Variants in RAB3GAP2 observed in about 807,000 individuals in gnomAD.
RAB3GAP2 encodes rab3 GTPase-activating protein non-catalytic subunit.
RAB3GAP2 carries 87 observed loss-of-function variants against 185.3 expected under a neutral mutation model. That is an observed-to-expected ratio of 0.47 (90% CI 0.39 to 0.56). The LOEUF (loss-of-function observed/expected upper bound fraction) is 0.56, where lower values mean the gene tolerates loss of function less well. Ranked by LOEUF, RAB3GAP2 falls within the 20% of genes least tolerant of loss-of-function variation. RAB3GAP2 has a pLI of 0.00. For missense variants in RAB3GAP2, 1,492 were observed against 1,638.2 expected (o/e 0.91, Z 1.54); for synonymous variants, 554 against 576.1 (o/e 0.96, Z 0.55).
At chr1:220,267,043 GTGCCACAGA>G in intron 1 of RAB3GAP2, 1 of 1,611,286 alleles carries the variant, frequency 6.2e-7, no homozygotes, top group South Asian at 1.1e-5. Context: ...GTAGTCCAGG[GTGCCACAGA>G]GAGTGGTCCT....
chr1:220,267,201 T>A (rs879268224), intron 1 of RAB3GAP2: 17 of 943,372 alleles, frequency 1.8e-5, no homozygotes, highest in Non-Finnish European at 3.0e-5. Flanking sequence ...CACTTGCCAA[T>A]TCTGTGATAT....
intron 1 of RAB3GAP2, chr1:220,267,668 A>C: frequency 6.6e-7 from 1 of 1,514,546 alleles, no homozygotes; most frequent in Non-Finnish European, 9.2e-7. Flanking sequence ...GATGAGGTAC[A>C]CTGGTTGCCT....
At chr1:220,179,361 C>T (rs80146404) in intron 21 of RAB3GAP2, among the ~76,000 whole-genome samples, 2,308 of 151,662 alleles carry the variant, frequency 0.015, 23 homozygotes, top group South Asian at 0.045. Context: ...CAATGGAGCA[C>T]TCAAATATAT....
At chr1:220,195,895 T>C (rs761315238) in intron 10 of RAB3GAP2, among the ~76,000 whole-genome samples, 2 of 152,202 alleles carry the variant, frequency 1.3e-5, no homozygotes, top group Non-Finnish European at 2.9e-5. Context: ...ATAACAAGTA[T>C]AGTTGGCAGC....
At chr1:220,201,714 A>G (rs143300142) in intron 9 of RAB3GAP2, among the ~76,000 whole-genome samples, 90 of 152,090 alleles carry the variant, frequency 5.9e-4, no homozygotes, top group African/African-American at 2.1e-3. Context: ...GGGTCGGGCT[A>G]ATCTTGAACT....
At chr1:220,175,982 T>C (rs932894126) in intron 21 of RAB3GAP2, among the ~76,000 whole-genome samples, 1 of 152,114 alleles carries the variant, frequency 6.6e-6, no homozygotes, top group African/African-American at 2.4e-5. Flanking sequence ...CATATAATTG[T>C]AGAATCACTT....
intron 26 of RAB3GAP2, among the ~76,000 whole-genome samples, chr1:220,165,399 A>G (rs1486088952): frequency 6.6e-6 from 1 of 151,780 alleles, no homozygotes; most frequent in African/African-American, 2.4e-5. Flanking sequence ...TTGAAATTCA[A>G]CTCTTTCTAA....
rs1659108005 is a variant in RAB3GAP2 at position 220,212,796 on chromosome 1, T to A, written c.386+91A>T. On this transcript the variant is annotated intron_variant, in intron 4 of 34. Transcript: ENST00000358951. ...ATGTGAACCACTGCACCCAATCAAATAATGAAACTTTTTAATAGATTCACC... is the reference window on the plus strand; with the variant it reads ...ATGTGAACCACTGCACCCAATCAAAAAATGAAACTTTTTAATAGATTCACC... The A allele has an allele frequency of 2.8e-5, 31 of 1,100,070 alleles. No homozygotes were observed. The South Asian group carries it at 3.9e-4, about 14-fold the overall frequency. 68.1% of individuals were successfully genotyped at this position (1,100,070 alleles called of 1,614,324 possible).
chr1:220,215,182 A>C (rs1163894971), intron 2 of RAB3GAP2, among the ~76,000 whole-genome samples: 4 of 151,950 alleles, frequency 2.6e-5, no homozygotes, highest in Admixed American at 1.3e-4. Context: ...AAATAGGTTT[A>C]TAAATTCCTC....
intron 1 of RAB3GAP2, among the ~76,000 whole-genome samples, chr1:220,241,409 A>G (rs1659694677): frequency 6.6e-6 from 1 of 152,100 alleles, no homozygotes; most frequent in Non-Finnish European, 1.5e-5. Context: ...AAAAGATCTT[A>G]GTACAGAAGT....
intron 1 of RAB3GAP2, among the ~76,000 whole-genome samples, chr1:220,249,487 C>T (rs1021021709): frequency 6.6e-6 from 1 of 152,004 alleles, no homozygotes; most frequent in African/African-American, 2.4e-5. Context: ...GGAAGCAGAG[C>T]ATAAAAGTTT....
chr1:220,227,521 A>AGTT (rs1486308202), intron 2 of RAB3GAP2, among the ~76,000 whole-genome samples: 1 of 152,222 alleles, frequency 6.6e-6, no homozygotes, highest in East Asian at 1.9e-4. Flanking sequence ...TGCCGAACTC[A>AGTT]GTAGCAGCCA....
chr1:220,193,092 T>C, intron 13 of RAB3GAP2, 148 bp downstream of exon 13: 1 of 898,694 alleles, frequency 1.1e-6, no homozygotes, highest in Non-Finnish European at 1.7e-6. Flanking sequence ...ACCAAGTGGT[T>C]GCTGATCTGA....
intron 1 of RAB3GAP2, among the ~76,000 whole-genome samples, chr1:220,271,956 T>C (rs1458340119): frequency 6.9e-6 from 1 of 144,908 alleles, no homozygotes; most frequent in African/African-American, 2.5e-5. Context: ...AAAGCGGTGA[T>C]AGGCAGAGGC....
intron 2 of RAB3GAP2, among the ~76,000 whole-genome samples, chr1:220,214,952 A>G (rs865786166): frequency 8.5e-6 from 1 of 117,162 alleles, no homozygotes; most frequent in African/African-American, 3.8e-5. Context: ...AGCATTATAT[A>G]TATATATATA....
intron 21 of RAB3GAP2, among the ~76,000 whole-genome samples, chr1:220,177,287 A>C (rs1658310477): frequency 6.6e-6 from 1 of 152,262 alleles, no homozygotes; most frequent in Admixed American, 6.5e-5. Flanking sequence ...TCACAAGCTC[A>C]GGGAACATGA....
At chr1:220,184,533 TTAAA>T (rs1658474023) in intron 18 of RAB3GAP2, among the ~76,000 whole-genome samples, 1 of 152,100 alleles carries the variant, frequency 6.6e-6, no homozygotes, top group African/African-American at 2.4e-5. Context: ...TATTTATTCT[TTAAA>T]AAGGGAGACA....
intron 9 of RAB3GAP2, among the ~76,000 whole-genome samples, chr1:220,197,657 T>C (rs548586258): frequency 6.6e-6 from 1 of 152,300 alleles, no homozygotes; most frequent in South Asian, 2.1e-4. Context: ...GCAAACTATA[T>C]GGCACATAAA....
rs117022223 is a variant in RAB3GAP2, at chr1:220,218,213, C to T, written c.181-4234G>A. 2.6e-3 allele frequency among the ~76,000 whole-genome samples: 393 copies of T among 152,286 alleles called. 7 individuals are homozygous for T. In the East Asian group the frequency reaches 0.052, roughly 20 times the overall value. On this transcript the variant is annotated intron_variant, in intron 2 of 34. Transcript: ENST00000358951. The stretch of plus-strand genomic sequence containing the variant: ...GAAGCAAAAAGCCAAAATCTTCCAT[C>T]ATTCTTTACTGCAGTTTATTTTCTA...
Sources: gnomAD v4.1 joint callset for allele counts (sites outside exome capture counted in the v4.1 genomes callset) on GRCh38, gnomAD v4.1.1 for gene constraint, MANE v1.5 for transcripts, NCBI Gene and HGNC (gene_info 2026-07-23, HGNC 2026-07-21) for gene names.